Variants in NREP observed in about 807,000 individuals in gnomAD.
NREP encodes neuronal regeneration-related protein.
NREP carries 5 observed loss-of-function variants against 8.6 expected under a neutral mutation model. That is an observed-to-expected ratio of 0.58 (90% confidence interval 0.30 to 1.22). The LOEUF (loss-of-function observed/expected upper bound fraction) is 1.22. Ranked by LOEUF, NREP falls within the 50% of genes most tolerant of loss-of-function variation. NREP has a pLI of 0.07. For missense variants in NREP, 86 were observed against 82.5 expected (o/e 1.04, Z -0.17); for synonymous variants, 27 against 28.0 (o/e 0.96, Z 0.11).
At chr5:111,760,014 G>A (rs1358549276), upstream of NREP, among the ~76,000 whole-genome samples, 7 of 152,052 alleles carry the variant, frequency 4.6e-5, no homozygotes, top group Admixed American at 1.3e-4. Flanking sequence ...ATCATTTAGG[G>A]CACATAATTA....
Position 111,954,374 on chromosome 5 carries a change from G to A in NREP, c.135+20900C>T, listed in dbSNP as rs1251639342. Among the ~76,000 whole-genome samples, 8 of 152,184 alleles carry A rather than the reference G, an allele frequency of 5.3e-5. No homozygotes were observed. In the East Asian group the frequency reaches 1.4e-3, roughly 26 times the overall value. Reference sequence around the variant, plus strand: ...AATTATGTTAATAGGAAAAGGAAATGCTTCACTGCACACATGTTCTTGGTT... The same window carrying A: ...AATTATGTTAATAGGAAAAGGAAATACTTCACTGCACACATGTTCTTGGTT... On this transcript the variant is annotated intron_variant, in intron 2 of 3. Coordinates refer to the NREP transcript ENST00000395634.
At chr5:111,884,055 A>T (rs1030260888) in intron 2 of NREP, among the ~76,000 whole-genome samples, 1 of 152,224 alleles carries the variant, frequency 6.6e-6, no homozygotes, top group African/African-American at 2.4e-5. Flanking sequence ...TGAAAGGATC[A>T]ACAAAACTGA....
At chr5:111,753,987 T>C (rs1254005649) in intron 2 of NREP, among the ~76,000 whole-genome samples, 1 of 152,182 alleles carries the variant, frequency 6.6e-6, no homozygotes, top group Non-Finnish European at 1.5e-5. Context: ...AGAAAGTTAC[T>C]TGGAATCACC....
At chr5:111,967,625 G>A (rs1756681059) in intron 2 of NREP, among the ~76,000 whole-genome samples, 1 of 151,984 alleles carries the variant, frequency 6.6e-6, no homozygotes, top group Non-Finnish European at 1.5e-5. Flanking sequence ...GAACGCCTCT[G>A]CCCGGCCCCC....
intron 2 of NREP, among the ~76,000 whole-genome samples, chr5:111,798,527 TC>T (rs1751924879): frequency 1.3e-5 from 2 of 152,094 alleles, no homozygotes; most frequent in Admixed American, 1.3e-4. Context: ...CCCAACTCTT[TC>T]CCCCGAGTCC....
chr5:111,856,091 G>A (rs890363697), intron 2 of NREP, among the ~76,000 whole-genome samples: 4 of 152,128 alleles, frequency 2.6e-5, no homozygotes, highest in Admixed American at 6.5e-5. Context: ...TAGTACACCT[G>A]CCACTGAGGC....
intron 2 of NREP, among the ~76,000 whole-genome samples, chr5:111,835,063 T>C (rs1280281725): frequency 2.0e-5 from 3 of 152,110 alleles, no homozygotes; most frequent in African/African-American, 7.2e-5. Context: ...GTCTTTTTAT[T>C]TGCTGCTCTC....
rs138601108 is a variant in NREP at position 111,830,688 on chromosome 5, T to C, written c.136-95181A>G. Among the ~76,000 whole-genome samples, 37 of 152,354 alleles carry C rather than the reference T, an allele frequency of 2.4e-4. No homozygotes were observed. In the East Asian group the frequency reaches 5.2e-3, roughly 21 times the overall value. ...TCTCTTTGTCTCTAATGGCTAGATA[T>C]ACCTGTTTGAGTATGCTGAGGAATT... On this transcript the variant is annotated intron_variant, in intron 2 of 3. Coordinates refer to the NREP transcript ENST00000395634.
intron 2 of NREP, among the ~76,000 whole-genome samples, chr5:111,854,265 G>A (rs1260630158): frequency 6.6e-6 from 1 of 152,170 alleles, no homozygotes; most frequent in African/African-American, 2.4e-5. Flanking sequence ...AATTTGAGGG[G>A]CTCAGCAGTT....
At chr5:111,734,968 TA>T in intron 3 of NREP, 1 of 404,228 alleles carries the variant, frequency 2.5e-6, no homozygotes, top group Non-Finnish European at 4.4e-6. Context: ...ACCACGTTTA[TA>T]AAAAATGGTT....
chr5:111,945,882 C>T (rs1755965131), intron 2 of NREP, among the ~76,000 whole-genome samples: 1 of 152,028 alleles, frequency 6.6e-6, no homozygotes, highest in Non-Finnish European at 1.5e-5. Context: ...AAGTTTCTTA[C>T]ATTTACTGTA....
At position 111,929,178 on chromosome 5, in the gene NREP, A is replaced by G. The variant is rs185444690; in HGVS notation, c.135+46096T>C. On this transcript the variant is annotated intron_variant, in intron 2 of 3. Transcript: ENST00000395634. ...TCTACTGTCTTTTGCTAGAAGCTTA[A>G]CTTTTTACGGGGCCCTAGAATGCCT... Among the ~76,000 whole-genome samples the G allele has an allele frequency of 5.9e-5, 9 of 152,268 alleles. No homozygotes were observed. The East Asian group carries it at 1.4e-3, about 23-fold the overall frequency.
chr5:111,880,790 G>A (rs1397153684), intron 2 of NREP, among the ~76,000 whole-genome samples: 1 of 144,216 alleles, frequency 6.9e-6, no homozygotes, highest in Admixed American at 7.1e-5. Context: ...AGGCTGGAGT[G>A]CAGTGCCGTG....
At chr5:111,892,769 C>T (rs1201558417) in intron 2 of NREP, among the ~76,000 whole-genome samples, 1 of 152,082 alleles carries the variant, frequency 6.6e-6, no homozygotes, top group Non-Finnish European at 1.5e-5. Flanking sequence ...TGAGGAGAGG[C>T]TCTGGAGACT....
chr5:111,865,340 C>G (rs1229427139), intron 2 of NREP, among the ~76,000 whole-genome samples: 1 of 152,112 alleles, frequency 6.6e-6, no homozygotes, highest in Non-Finnish European at 1.5e-5. Flanking sequence ...CAGTACTACA[C>G]AAAAAGCAAA....
At chr5:111,933,995 A>G (rs1176594228) in intron 2 of NREP, among the ~76,000 whole-genome samples, 2 of 152,128 alleles carry the variant, frequency 1.3e-5, no homozygotes, top group Non-Finnish European at 2.9e-5. Flanking sequence ...GGGAAGAAGT[A>G]CAGCCTCCTT....
chr5:111,884,825 C>G (rs1179275399), intron 2 of NREP, among the ~76,000 whole-genome samples: 1 of 152,112 alleles, frequency 6.6e-6, no homozygotes, highest in Non-Finnish European at 1.5e-5. Context: ...GGACGTATCT[C>G]AAAATAATAA....
At chr5:111,847,741 C>T (rs138177750) in intron 2 of NREP, among the ~76,000 whole-genome samples, 1,703 of 152,188 alleles carry the variant, frequency 0.011, 14 homozygotes, top group Middle Eastern at 0.024. Context: ...CCAAATGGCT[C>T]CAGCTGTTTA....
intron 2 of NREP, among the ~76,000 whole-genome samples, chr5:111,748,311 T>C (rs2112833097): frequency 6.6e-6 from 1 of 152,264 alleles, no homozygotes; most frequent in East Asian, 1.9e-4. Context: ...CAGTAGTAAA[T>C]TGTTCATCAG....
Sources: allele counts gnomAD v4.1 joint callset (sites outside exome capture counted in the v4.1 genomes callset), GRCh38; gene constraint gnomAD v4.1.1; transcripts MANE v1.5; gene names NCBI Gene and HGNC (gene_info 2026-07-23, HGNC 2026-07-21).